The following SNX29 variants were observed in gnomAD, a reference collection of about 807,000 sequenced individuals.
SNX29 encodes sorting nexin 29.
In SNX29, 78 loss-of-function variants were observed where a neutral mutation model predicts 102.1. The ratio of observed to expected loss-of-function variants is 0.76; its 90% CI spans 0.64 to 0.92. The LOEUF is 0.92. Ranked by LOEUF, SNX29 falls within the 40% of genes least tolerant of loss-of-function variation. The pLI, the probability that SNX29 is intolerant of heterozygous loss-of-function variation, is 0.00. For missense variants in SNX29, 1,280 were observed against 1,061.7 expected, an observed-to-expected ratio of 1.21 and a Z score of -2.86; for synonymous variants, 580 against 414.5, an observed-to-expected ratio of 1.40 and a Z score of -4.85.
chr16:12,213,802 C>G (rs1226865986), intron 14 of SNX29, among the ~76,000 whole-genome samples: 1 of 152,214 alleles, frequency 6.6e-6, no homozygotes, highest in Non-Finnish European at 1.5e-5. Flanking sequence ...GCCCCAGTAC[C>G]CAGCTATGTG....
intron 15 of SNX29, among the ~76,000 whole-genome samples, chr16:12,280,263 G>A (rs1212531059): frequency 6.6e-6 from 1 of 152,226 alleles, no homozygotes; most frequent in Non-Finnish European, 1.5e-5. Flanking sequence ...GATGAGGGGA[G>A]AAAGGTGATG....
chr16:12,538,794 A>T (rs1308269824), intron 20 of SNX29, among the ~76,000 whole-genome samples: 1 of 152,198 alleles, frequency 6.6e-6, no homozygotes, highest in East Asian at 1.9e-4. Context: ...AAGGGGGATT[A>T]CAAGGCAGAA....
chr16:12,517,110 A>T (rs948568070), intron 19 of SNX29, among the ~76,000 whole-genome samples: 13 of 152,210 alleles, frequency 8.5e-5, no homozygotes, highest in African/African-American at 3.1e-4. Context: ...CGATGGCGTT[A>T]TGGTAGGAAT....
intron 14 of SNX29, among the ~76,000 whole-genome samples, chr16:12,226,271 T>C (rs577228742): frequency 6.6e-6 from 1 of 152,214 alleles, no homozygotes; most frequent in African/African-American, 2.4e-5. Context: ...GGCCCAAAAA[T>C]GAAGTGGATG....
intron 14 of SNX29, among the ~76,000 whole-genome samples, chr16:12,238,035 G>C (rs553008421): frequency 6.6e-6 from 1 of 152,314 alleles, no homozygotes; most frequent in Non-Finnish European, 1.5e-5. Context: ...AAAGTAACTG[G>C]GTGTGGGGGT....
chr16:12,286,084 C>A (rs1420477736), intron 15 of SNX29, among the ~76,000 whole-genome samples: 1 of 151,892 alleles, frequency 6.6e-6, no homozygotes. Context: ...CTCAAGTGAT[C>A]CTCCCACCTC....
chr16:12,543,476 G>C (rs560001793), intron 20 of SNX29, among the ~76,000 whole-genome samples: 1 of 152,218 alleles, frequency 6.6e-6, no homozygotes, highest in Non-Finnish European at 1.5e-5. Context: ...ACAGCTGTCA[G>C]TAAAGCCACA....
chr16:12,061,293 G>A (rs1394430282), intron 8 of SNX29, among the ~76,000 whole-genome samples: 3 of 152,240 alleles, frequency 2.0e-5, no homozygotes, highest in African/African-American at 4.8e-5. Flanking sequence ...TTTGCCACCA[G>A]TAGGGAGCAC....
intron 16 of SNX29, among the ~76,000 whole-genome samples, chr16:12,388,215 C>G (rs543449732): frequency 9.5e-4 from 145 of 152,266 alleles, no homozygotes; most frequent in South Asian, 2.9e-3. Flanking sequence ...ATAGAAGGAG[C>G]ACAACTTGGG....
chr16:12,302,051 A>G (rs978350198), intron 15 of SNX29, among the ~76,000 whole-genome samples: 4 of 152,262 alleles, frequency 2.6e-5, no homozygotes, highest in Non-Finnish European at 1.5e-5. Context: ...AATGAAGGAA[A>G]TGAACCAGTG....
At chr16:12,424,945 A>AG (rs1475887614) in intron 18 of SNX29, among the ~76,000 whole-genome samples, 6 of 152,220 alleles carry the variant, frequency 3.9e-5, no homozygotes, top group Non-Finnish European at 7.3e-5. Context: ...GCCCGTCCAT[A>AG]GACAAATGGA....
chr16:12,522,312 G>A (rs6498314), intron 19 of SNX29, among the ~76,000 whole-genome samples: 85,278 of 152,118 alleles, frequency 0.56, 26,209 homozygotes, highest in East Asian at 0.89. Flanking sequence ...CATTCGCTCA[G>A]TCTGCCAGCC....
intron 13 of SNX29, among the ~76,000 whole-genome samples, chr16:12,137,898 C>G (rs1194055638): frequency 6.6e-6 from 1 of 152,172 alleles, no homozygotes; most frequent in East Asian, 1.9e-4. Context: ...TTGCTATCTC[C>G]CCAGTTCAGA....
chr16:12,272,120 C>G lies in SNX29; in HGVS notation c.1679-5813C>G, dbSNP rs193207234. Among the ~76,000 whole-genome samples the G allele has an allele frequency of 7.9e-5, 12 of 152,240 alleles. 1 individual carries two copies. Among genetic ancestry groups the G allele is most frequent in the African/African-American group, 2.6e-4 (11 of 41,554 alleles). On this transcript the variant is annotated intron_variant, in intron 14 of 20. Transcript: ENST00000566228. ...AGAACTTATGTAAATTCATGACTGT[C>G]CAGGGTCTTTCCCCAAGCCTTTAAG...
chr16:12,299,779 ATTTTTTTT>A (rs61233917), intron 15 of SNX29, among the ~76,000 whole-genome samples: 1 of 131,326 alleles, frequency 7.6e-6, no homozygotes, highest in Admixed American at 7.5e-5. Flanking sequence ...CAAATTTCGA[ATTTTTTTT>A]TTTTTTTTTT....
intron 14 of SNX29, among the ~76,000 whole-genome samples, chr16:12,232,618 G>A (rs1417214950): frequency 6.6e-6 from 1 of 152,236 alleles, no homozygotes; most frequent in Non-Finnish European, 1.5e-5. Context: ...TCACGGTGGA[G>A]TAGTGGAAAC....
intron 15 of SNX29, among the ~76,000 whole-genome samples, chr16:12,340,757 A>G (rs2081588425): frequency 6.6e-6 from 1 of 152,052 alleles, no homozygotes; most frequent in African/African-American, 2.4e-5. Flanking sequence ...TGATTAGGTC[A>G]CCCGGAGCAT....
At chr16:12,194,625 T>G (rs963458096) in intron 13 of SNX29, among the ~76,000 whole-genome samples, 1 of 147,006 alleles carries the variant, frequency 6.8e-6, no homozygotes, top group African/African-American at 2.5e-5. Flanking sequence ...GTGGGTAGTT[T>G]TTTTTTTTTT....
chr16:12,550,617 C>G (rs543027955), intron 20 of SNX29, among the ~76,000 whole-genome samples: 4 of 151,376 alleles, frequency 2.6e-5, no homozygotes, highest in Admixed American at 1.3e-4. Flanking sequence ...GTAATGTATA[C>G]CTGTAGAAAG....
Sources: allele counts gnomAD v4.1 joint callset (sites outside exome capture counted in the v4.1 genomes callset), GRCh38; gene constraint gnomAD v4.1.1; transcripts MANE v1.5; gene names NCBI Gene and HGNC (gene_info 2026-07-23, HGNC 2026-07-21).